Variants in CREB3L2 observed in about 807,000 individuals in gnomAD.
CREB3L2 encodes cAMP responsive element binding protein 3 like 2.
In CREB3L2, 23 loss-of-function variants were observed where a neutral mutation model predicts 57.2. That is an observed-to-expected ratio of 0.40 (90% CI 0.29 to 0.57). The LOEUF is 0.57. Ranked by LOEUF, CREB3L2 falls within the 20% of genes least tolerant of loss-of-function variation. The pLI, the probability that CREB3L2 is intolerant of heterozygous loss-of-function variation, is 0.42. For synonymous variants in CREB3L2, 268 were observed against 265.1 expected, an observed-to-expected ratio of 1.01 and a Z score of -0.11; for missense variants, 628 against 634.7, an observed-to-expected ratio of 0.99 and a Z score of 0.11.
chr7:137,908,352 C>T lies in CREB3L2; in HGVS notation c.668G>A (p.Arg223His), dbSNP rs1034111296. ...DSEGSLSPNP[R>H]LHPFSLPQTH... ...CTGAGGCAGGCTGAAGGGGTGCAGG[C>T]GTGGGTTGGGACTCAGGCTGCCCTC... Residue 223 changes from arginine to histidine, a missense_variant, in exon 5 of 12, where the codon CGC (arginine) becomes CAC (histidine). By Grantham distance (29) the Arg-to-His change is conservative. Transcript: ENST00000330387. 12 of 1,259,072 alleles carry T rather than the reference C, an allele frequency of 9.5e-6. No homozygotes were observed. The South Asian group carries it at 2.2e-4, about 23-fold the overall frequency. The allele number at this position is 1,259,072 out of a possible 1,614,324, so 78.0% of individuals were successfully genotyped here. A position where few individuals can be genotyped will look rare whatever the true frequency, so the allele number is the denominator to read the frequency against.
chr7:137,915,641 G>A (rs1800111573), intron 3 of CREB3L2, among the ~76,000 whole-genome samples, 196 bp downstream of exon 3: 1 of 152,062 alleles, frequency 6.6e-6, no homozygotes, highest in Non-Finnish European at 1.5e-5. Context: ...TCCGAACAAT[G>A]GCTTTAAAGG....
intron 1 of CREB3L2, chr7:137,958,107 T>A (rs543237505): frequency 3.4e-5 from 8 of 235,384 alleles, no homozygotes; most frequent in South Asian, 5.5e-5. Context: ...CCCTGACTCA[T>A]GCAATTCCCT....
intron 1 of CREB3L2, among the ~76,000 whole-genome samples, chr7:137,985,739 C>T (rs562438396): frequency 8.5e-5 from 13 of 152,320 alleles, no homozygotes; most frequent in African/African-American, 3.1e-4. Context: ...TGCCAACCCA[C>T]CCCCTCAAAA....
In CREB3L2 at chr7:137,879,118, TA is replaced by T; in HGVS notation, c.*1357del. 2.0e-6 allele frequency: 1 copy of T among 499,062 alleles called. No homozygotes were observed. Among genetic ancestry groups the T allele is most frequent in the Non-Finnish European group, 3.8e-6 (1 of 264,934 alleles). 30.9% of individuals were successfully genotyped at this position (499,062 alleles called of 1,614,324 possible). On this transcript the variant is annotated 3_prime_UTR_variant, in exon 12 of 12. Coordinates refer to ENST00000330387, the MANE Select transcript of CREB3L2 (RefSeq NM_194071.4). ...AAAAAGGCAATTTCCACTTCTTATT[TA>T]TATGAAAGAGGAAAGATTTTTTTAA...
At chr7:137,905,873 G>A (rs755166164) in intron 5 of CREB3L2, 25 bp from the exon 6 acceptor site, 1 of 1,568,066 alleles carries the variant, frequency 6.4e-7, no homozygotes, top group Non-Finnish European at 8.6e-7. Flanking sequence ...GAGCAGAAAA[G>A]GGTCAAAGAA....
At chr7:137,882,218 T>G (rs1441732546) in intron 11 of CREB3L2, among the ~76,000 whole-genome samples, 194 bp downstream of exon 11, 3 of 152,172 alleles carry the variant, frequency 2.0e-5, no homozygotes, top group Non-Finnish European at 4.4e-5. Flanking sequence ...GCTGGTTTTT[T>G]TCCTCATCTC....
At chr7:137,942,291 T>C (rs1800892950) in intron 1 of CREB3L2, among the ~76,000 whole-genome samples, 1 of 152,212 alleles carries the variant, frequency 6.6e-6, no homozygotes, top group Non-Finnish European at 1.5e-5. Context: ...ATTTTCAGGT[T>C]CTCAAATCTT....
chr7:137,967,703 ATCGCTGGAAACTG>A (rs1420095629), intron 1 of CREB3L2, among the ~76,000 whole-genome samples: 7 of 152,110 alleles, frequency 4.6e-5, no homozygotes, highest in African/African-American at 1.7e-4. Context: ...CCTGCTCCCG[ATCGCTGGAAACTG>A]ACTCACAAGT....
intron 6 of CREB3L2, 41 bp downstream of exon 6, chr7:137,905,661 C>G (rs776146743): frequency 1.2e-6 from 2 of 1,609,284 alleles, no homozygotes; most frequent in Non-Finnish European, 1.7e-6. Context: ...CTCGATTCTG[C>G]TCGTCTCTGC....
chr7:137,904,835 T>A, intron 6 of CREB3L2, among the ~76,000 whole-genome samples: 1 of 80,722 alleles, frequency 1.2e-5, no homozygotes. Context: ...TGAGACTCTG[T>A]ATGAAAAAAA....
chr7:137,892,112 T>C lies in CREB3L2; in HGVS notation c.1044-6610A>G, dbSNP rs1585596661. Among the ~76,000 whole-genome samples, 3 of 152,210 alleles carry C rather than the reference T, an allele frequency of 2.0e-5. No homozygotes were observed. The Middle Eastern group carries it at 0.01, about 518-fold the overall frequency. ...ACCATTTGTGGGTTTGTGAAATCAATTGGGTTGTGACTGATATATGTTTTT... is the reference window on the plus strand; with the variant it reads ...ACCATTTGTGGGTTTGTGAAATCAACTGGGTTGTGACTGATATATGTTTTT... On this transcript the variant is annotated intron_variant, in intron 8 of 11. Transcript: ENST00000330387.
chr7:137,927,478 G>T (rs1800499885), intron 2 of CREB3L2, among the ~76,000 whole-genome samples: 1 of 151,790 alleles, frequency 6.6e-6, no homozygotes, highest in African/African-American at 2.4e-5. Flanking sequence ...AAGAAGAAAA[G>T]AAAAGAAAAG....
chr7:137,976,157 A>G lies in CREB3L2; in HGVS notation c.102+25447T>C, dbSNP rs529056824. On this transcript the variant is annotated intron_variant, in intron 1 of 11. Coordinates refer to ENST00000330387, the MANE Select transcript of CREB3L2 (RefSeq NM_194071.4). The stretch of plus-strand genomic sequence containing the variant: ...GTATTGGGTTCAATATGGATATTTT[A>G]TCAGCCAGGAGTCTGCTCTTACCTA... Among the ~76,000 whole-genome samples the G allele has an allele frequency of 6.6e-5, 10 of 152,374 alleles. No individual in the cohort carries two copies. The South Asian group carries it at 1.4e-3, about 22-fold the overall frequency.
chr7:137,967,054 CCTT>C (rs1801419295), intron 1 of CREB3L2, among the ~76,000 whole-genome samples: 2 of 152,142 alleles, frequency 1.3e-5, no homozygotes, highest in African/African-American at 4.8e-5. Flanking sequence ...CTCTCTCTCC[CCTT>C]CTTCTCTCTC....
At chr7:137,983,946 C>T (rs148115762) in intron 1 of CREB3L2, among the ~76,000 whole-genome samples, 17 of 152,320 alleles carry the variant, frequency 1.1e-4, no homozygotes, top group African/African-American at 3.4e-4. Context: ...TGCCACTCTG[C>T]TCTCCAGTGA....
intron 1 of CREB3L2, among the ~76,000 whole-genome samples, chr7:138,000,819 A>T (rs776035184): frequency 8.5e-5 from 13 of 152,186 alleles, no homozygotes; most frequent in Non-Finnish European, 1.5e-4. Context: ...AAAACTTGAC[A>T]TTAAAAACTT....
chr7:137,973,503 T>A (rs1163222194), intron 1 of CREB3L2, among the ~76,000 whole-genome samples: 1 of 152,220 alleles, frequency 6.6e-6, no homozygotes, highest in Non-Finnish European at 1.5e-5. Flanking sequence ...GAGTCTGCTG[T>A]GCTCCTTGGT....
intron 1 of CREB3L2, among the ~76,000 whole-genome samples, chr7:137,985,267 T>C (rs1275039678): frequency 1.3e-5 from 2 of 152,178 alleles, no homozygotes; most frequent in African/African-American, 4.8e-5. Flanking sequence ...TAGAACCTGA[T>C]TCCCAAGAAA....
chr7:137,957,902 C>G (rs1801246838), intron 1 of CREB3L2: 1 of 573,048 alleles, frequency 1.7e-6, no homozygotes, highest in Non-Finnish European at 2.9e-6. Flanking sequence ...ACTGTTTGGT[C>G]CCAAGGGAAT....
Sources: allele counts gnomAD v4.1 joint callset (sites outside exome capture counted in the v4.1 genomes callset), GRCh38; gene constraint gnomAD v4.1.1; transcripts MANE v1.5; gene names NCBI Gene and HGNC (gene_info 2026-07-23, HGNC 2026-07-21).